Variants in MPPED2 observed in about 807,000 individuals in gnomAD.
The protein encoded by MPPED2 is metallophosphoesterase MPPED2.
A neutral mutation model predicts 33.0 loss-of-function variants in MPPED2; 5 were observed. The observed-to-expected ratio is 0.15, with a 90% CI of 0.08 to 0.32. The LOEUF (loss-of-function observed/expected upper bound fraction) is 0.32. Among genes scored for constraint, MPPED2 ranks in the 10% least tolerant of loss-of-function variants. The pLI is 1.00. For synonymous variants in MPPED2, 136 were observed against 141.9 expected, an observed-to-expected ratio of 0.96 and a Z score of 0.29; for missense variants, 275 against 372.1, an observed-to-expected ratio of 0.74 and a Z score of 2.15.
intron 3 of MPPED2, among the ~76,000 whole-genome samples, chr11:30,524,270 A>G (rs1475877934): frequency 6.6e-6 from 1 of 152,248 alleles, no homozygotes; most frequent in South Asian, 2.1e-4. Flanking sequence ...GGAAAAAAAT[A>G]AAAAATAAAA....
chr11:30,536,103 G>C lies in MPPED2; in HGVS notation c.201C>G (p.His67Gln). ...GCATCTGGATACCATCTGTTCTGGA[G>C]TGTGTGTCTGAGATGCAGACAAACC... Reference protein sequence around the residue: ...HTRFVCISDTHSRTDGIQMPY... With the variant: ...HTRFVCISDTQSRTDGIQMPY... The change falls in exon 3 of 7, where the codon CAC becomes CAG. Residue 67 changes from histidine (H) to glutamine (Q), a missense_variant. Physicochemically the swap from His to Gln is conservative, Grantham distance 24. Transcript: ENST00000358117. 6.2e-7 allele frequency: 1 copy of C among 1,613,474 alleles called. No individual in the cohort carries two copies. The highest frequency in any genetic ancestry group is 8.5e-7 in the Non-Finnish European group (1 of 1,179,812).
chr11:30,507,320 TCTC>T (rs1565136229), intron 3 of MPPED2, among the ~76,000 whole-genome samples: 1 of 152,218 alleles, frequency 6.6e-6, no homozygotes, highest in Non-Finnish European at 1.5e-5. Flanking sequence ...ACAGTTCTAT[TCTC>T]CTTTCTGAAT....
intron 6 of MPPED2, 56 bp downstream of exon 6, chr11:30,414,172 A>G: frequency 8.3e-7 from 1 of 1,211,410 alleles, no homozygotes; most frequent in Non-Finnish European, 1.2e-6. Context: ...CTAGTTGTAG[A>G]CTGAGATAGT....
chr11:30,403,913 T>C (rs1364210332), intron 6 of MPPED2, among the ~76,000 whole-genome samples: 1 of 152,076 alleles, frequency 6.6e-6, no homozygotes, highest in Non-Finnish European at 1.5e-5. Context: ...GAAAAGAAAA[T>C]GCACTCAGAT....
intron 2 of MPPED2, among the ~76,000 whole-genome samples, chr11:30,557,645 T>C (rs1414546752): frequency 2.6e-5 from 4 of 152,230 alleles, no homozygotes; most frequent in Non-Finnish European, 5.9e-5. Flanking sequence ...ACCAGCTACC[T>C]TGGTGCTGTT....
At chr11:30,583,148 T>C (rs977201069) in intron 1 of MPPED2, among the ~76,000 whole-genome samples, 47 of 44,464 alleles carry the variant, frequency 1.1e-3, no homozygotes, top group East Asian at 4.3e-3. Context: ...TTTTTTTTTT[T>C]TTTTTTTTTT....
intron 6 of MPPED2, among the ~76,000 whole-genome samples, chr11:30,395,312 C>T (rs577025823): frequency 6.6e-6 from 1 of 152,158 alleles, no homozygotes; most frequent in South Asian, 2.1e-4. Flanking sequence ...TACTATTTTC[C>T]CATTTTTGAA....
chr11:30,495,903 T>C (rs919310441), intron 3 of MPPED2, among the ~76,000 whole-genome samples: 2 of 152,178 alleles, frequency 1.3e-5, no homozygotes, highest in Non-Finnish European at 2.9e-5. Flanking sequence ...CCTCAAAACA[T>C]AATCTAACCA....
chr11:30,409,755 G>T (rs1387192587), downstream of MPPED2, among the ~76,000 whole-genome samples: 1 of 152,088 alleles, frequency 6.6e-6, no homozygotes, highest in Non-Finnish European at 1.5e-5. Flanking sequence ...ATTTTCTCTG[G>T]TTTTCGCCAC....
chr11:30,414,424 C>T (rs994571467), intron 5 of MPPED2, 83 bp from the exon 6 acceptor site: 6 of 883,586 alleles, frequency 6.8e-6, no homozygotes, highest in Non-Finnish European at 1.1e-5. Context: ...CCATAACTCA[C>T]AGAAGGTTTA....
intron 4 of MPPED2, among the ~76,000 whole-genome samples, chr11:30,492,050 T>C (rs1952006570): frequency 6.6e-6 from 1 of 152,200 alleles, no homozygotes; most frequent in African/African-American, 2.4e-5. Flanking sequence ...AGAAGACTGA[T>C]TAGTGCTTAT....
chr11:30,431,928 A>G (rs935072313), intron 4 of MPPED2, among the ~76,000 whole-genome samples: 3 of 152,134 alleles, frequency 2.0e-5, no homozygotes, highest in Non-Finnish European at 4.4e-5. Context: ...TAATTCCAGC[A>G]CTTTGGGAGG....
At chr11:30,503,437 G>A (rs890983185) in intron 3 of MPPED2, among the ~76,000 whole-genome samples, 1 of 152,122 alleles carries the variant, frequency 6.6e-6, no homozygotes, top group Non-Finnish European at 1.5e-5. Context: ...CCCATGAACA[G>A]GGAATATGGA....
At chr11:30,436,163 A>C (rs1949317741) in intron 4 of MPPED2, among the ~76,000 whole-genome samples, 1 of 149,966 alleles carries the variant, frequency 6.7e-6, no homozygotes, top group Non-Finnish European at 1.5e-5. Context: ...GAGTCTGTAA[A>C]CTCTCTAAAC....
chr11:30,519,993 T>C (rs1219665048), intron 3 of MPPED2, among the ~76,000 whole-genome samples: 1 of 152,214 alleles, frequency 6.6e-6, no homozygotes, highest in Non-Finnish European at 1.5e-5. Context: ...AGGTTGTATA[T>C]TTTATAGTTA....
intron 2 of MPPED2, among the ~76,000 whole-genome samples, chr11:30,570,405 T>C (rs1956639511): frequency 6.6e-6 from 1 of 152,056 alleles, no homozygotes. Flanking sequence ...GGTACAAATA[T>C]TCAAACCATA....
intron 4 of MPPED2, among the ~76,000 whole-genome samples, chr11:30,485,789 C>T (rs1231034772): frequency 7.2e-5 from 11 of 152,138 alleles, no homozygotes; most frequent in Admixed American, 7.2e-4. Flanking sequence ...CTCTACAAGC[C>T]CGACCAAGCC....
chr11:30,452,865 C>T (rs1017705154), intron 4 of MPPED2, among the ~76,000 whole-genome samples: 1 of 151,674 alleles, frequency 6.6e-6, no homozygotes, highest in Non-Finnish European at 1.5e-5. Context: ...TGGAAACTTA[C>T]AGCAAAAGAG....
At chr11:30,575,697 A>G (rs1299351174) in intron 2 of MPPED2, among the ~76,000 whole-genome samples, 1 of 152,220 alleles carries the variant, frequency 6.6e-6, no homozygotes, top group Non-Finnish European at 1.5e-5. Context: ...ACCTAGGTCC[A>G]GCTCATGTGG....
Sources: allele counts gnomAD v4.1 joint callset (sites outside exome capture counted in the v4.1 genomes callset), GRCh38; gene constraint gnomAD v4.1.1; transcripts MANE v1.5; gene names NCBI Gene and HGNC (gene_info 2026-07-23, HGNC 2026-07-21).